The following RALY variants were observed in gnomAD, a reference collection of about 807,000 sequenced individuals.
RALY encodes the protein RALY heterogeneous nuclear ribonucleoprotein, also known as RNA-binding protein Raly.
RALY carries 15 observed loss-of-function variants against 30.7 expected under a neutral mutation model. That is an observed-to-expected ratio of 0.49 (90% CI 0.33 to 0.75). The LOEUF (loss-of-function observed/expected upper bound fraction) is 0.75, where lower values mean the gene tolerates loss of function less well. Among genes scored for constraint, RALY ranks in the 30% least tolerant of loss-of-function variants. The probability of loss-of-function intolerance (pLI) is 0.02; values close to 1 mark genes in which losing one functional copy is unlikely to be tolerated. For missense variants in RALY, 339 were observed against 414.3 expected (o/e 0.82, Z 1.58); for synonymous variants, 177 against 170.8 (o/e 1.04, Z -0.28).
chr20:34,041,707 G>A (rs2032707546), intron 2 of RALY, among the ~76,000 whole-genome samples: 1 of 152,168 alleles, frequency 6.6e-6, no homozygotes, highest in Non-Finnish European at 1.5e-5. Context: ...AGGATCAATT[G>A]CCATAAAATC....
intron 1 of RALY, among the ~76,000 whole-genome samples, chr20:34,027,057 A>G (rs530579754): frequency 8.5e-5 from 13 of 152,296 alleles, no homozygotes; most frequent in African/African-American, 3.1e-4. Context: ...TAATCCTGCC[A>G]TAAGGTCACA....
At chr20:34,053,054 T>A (rs77394581) in intron 2 of RALY, among the ~76,000 whole-genome samples, 1 of 152,140 alleles carries the variant, frequency 6.6e-6, no homozygotes, top group Admixed American at 6.5e-5. Context: ...TTTTTTTTTT[T>A]TCACTCTGTT....
intron 2 of RALY, among the ~76,000 whole-genome samples, chr20:34,032,264 C>T (rs939448777): frequency 5.9e-5 from 9 of 152,182 alleles, no homozygotes; most frequent in African/African-American, 1.2e-4. Flanking sequence ...CGCCCGGCCC[C>T]GTAGAGACTT....
intron 1 of RALY, among the ~76,000 whole-genome samples, chr20:33,999,284 A>G (rs980934903): frequency 4.6e-5 from 7 of 152,112 alleles, no homozygotes; most frequent in East Asian, 1.9e-4. Flanking sequence ...ACAGGAGAAG[A>G]AGGAGCACGT....
chr20:34,021,583 C>G (rs1371557155), intron 1 of RALY, among the ~76,000 whole-genome samples: 1 of 152,050 alleles, frequency 6.6e-6, no homozygotes, highest in Admixed American at 6.6e-5. Flanking sequence ...TCTCAGAGTC[C>G]CCTGTCTCAA....
At chr20:34,053,383 A>ATTTTTTTTTTTTTTTTTTTTTTTTTTTTT in intron 2 of RALY, among the ~76,000 whole-genome samples, 1 of 54,140 alleles carries the variant, frequency 1.8e-5, no homozygotes, top group South Asian at 9.0e-4. Context: ...ATGTTCAATA[A>ATTTTTTTTTTTTTTTTTTTTTTTTTTTTT]TTTTTTTTTT....
chr20:34,073,932 G>A, intron 5 of RALY, 66 bp downstream of exon 5: 1 of 1,551,170 alleles, frequency 6.4e-7, no homozygotes, highest in Non-Finnish European at 8.9e-7. Context: ...AGAGATTGTT[G>A]GTGCAGCCCA....
intron 2 of RALY, among the ~76,000 whole-genome samples, chr20:34,046,823 T>C (rs1264007256): frequency 2.1e-5 from 3 of 144,014 alleles, no homozygotes; most frequent in East Asian, 4.0e-4. Context: ...CTTTTTTTTT[T>C]TTTTTTTTTT....
chr20:34,040,993 G>C (rs760357123), intron 2 of RALY, among the ~76,000 whole-genome samples: 1 of 152,182 alleles, frequency 6.6e-6, no homozygotes, highest in African/African-American at 2.4e-5. Flanking sequence ...CATGCCTTCA[G>C]TGTATTTTCC....
chr20:33,994,978 C>T (rs2030537102), intron 1 of RALY, among the ~76,000 whole-genome samples: 1 of 152,104 alleles, frequency 6.6e-6, no homozygotes, highest in Non-Finnish European at 1.5e-5. Flanking sequence ...GTCACAGTAG[C>T]CACAGAAGTG....
rs1204799025 is a variant in RALY, at chr20:34,083,284, T to TG, written c.*3381dup. ...GTGAGCTGGCAGATCAGCTGGGGACTGGCTGGTCTCAGATGGCCTCGCCCG... is the reference window on the plus strand; with the variant it reads ...GTGAGCTGGCAGATCAGCTGGGGACTGGGCTGGTCTCAGATGGCCTCGCCCG... On this transcript the variant is annotated 3_prime_UTR_variant, in exon 10 of 10. Transcript: ENST00000246194. 2.0e-5 allele frequency: 3 copies of TG among 152,280 alleles called. No homozygotes were observed. The highest frequency in any genetic ancestry group is 7.2e-5 in the African/African-American group (3 of 41,462). The allele number at this position is 152,280 out of a possible 1,614,324, so 9.4% of individuals were successfully genotyped here.
chr20:33,998,160 T>G (rs1330149325), intron 1 of RALY, among the ~76,000 whole-genome samples: 1 of 152,154 alleles, frequency 6.6e-6, no homozygotes, highest in Non-Finnish European at 1.5e-5. Context: ...GCTTAGGGAT[T>G]TGGGTTTGTA....
intron 1 of RALY, chr20:34,017,337 T>C (rs1383773203): frequency 1.3e-5 from 2 of 152,220 alleles, no homozygotes; most frequent in Non-Finnish European, 2.9e-5. Context: ...ATAATCTCTA[T>C]TGTACTATGC....
chr20:34,028,741 A>G (rs1250518873), intron 1 of RALY, among the ~76,000 whole-genome samples: 1 of 146,142 alleles, frequency 6.8e-6, no homozygotes, highest in African/African-American at 2.5e-5. Flanking sequence ...AAAACATGGC[A>G]GAGAGAGTGG....
intron 1 of RALY, among the ~76,000 whole-genome samples, chr20:34,028,961 G>GA (rs1231394837): frequency 2.0e-5 from 3 of 152,096 alleles, no homozygotes; most frequent in Non-Finnish European, 2.9e-5. Flanking sequence ...TGGGAGCCAT[G>GA]ACTTTTTTTG....
intron 2 of RALY, among the ~76,000 whole-genome samples, chr20:34,035,354 G>A (rs1388820068): frequency 1.3e-5 from 2 of 151,916 alleles, no homozygotes; most frequent in Admixed American, 6.6e-5. Flanking sequence ...TATATTATCA[G>A]GCACTATACT....
chr20:34,035,184 A>C (rs866854882), intron 2 of RALY, among the ~76,000 whole-genome samples: 1,537 of 142,774 alleles, frequency 0.011, 8 homozygotes, highest in Non-Finnish European at 0.016. Flanking sequence ...AAAAAAAAAA[A>C]AAACAGTCTG....
At position 34,012,697 on chromosome 20, in the gene RALY, CTCT is replaced by C. The variant is rs559873549; in HGVS notation, c.-93+18573_-93+18575del. 3.7e-3 allele frequency among the ~76,000 whole-genome samples: 564 copies of C among 152,354 alleles called. 17 individuals are homozygous for C. Among genetic ancestry groups the C allele is most frequent in the Admixed American group, 0.033 (508 of 15,310 alleles). ...AGACTAGACATCTTGAAACTGTCCC[CTCT>C]TCTTCTCCATTCCCACCCCAAGTCA... is the stretch of plus-strand genomic sequence containing the variant. On this transcript the variant is annotated intron_variant, in intron 1 of 9. Coordinates refer to ENST00000246194, the MANE Select transcript of RALY (RefSeq NM_016732.3).
intron 2 of RALY, among the ~76,000 whole-genome samples, chr20:34,070,793 C>T (rs1175195653): frequency 2.0e-5 from 3 of 152,120 alleles, no homozygotes; most frequent in African/African-American, 4.8e-5. Context: ...TTAGCCACAG[C>T]GAGTGCCTGG....
Sources: allele counts gnomAD v4.1 joint callset (sites outside exome capture counted in the v4.1 genomes callset), GRCh38; gene constraint gnomAD v4.1.1; transcripts MANE v1.5; gene names NCBI Gene and HGNC (gene_info 2026-07-23, HGNC 2026-07-21).